Variants in PAK1 observed in about 807,000 individuals in gnomAD.
The protein encoded by PAK1 is p21 (RAC1) activated kinase 1.
Under a neutral mutation model 67.4 loss-of-function variants are expected in PAK1, and 29 were observed. The observed-to-expected ratio is 0.43, with a 90% CI of 0.32 to 0.59. The LOEUF is 0.59. Ranked by LOEUF, PAK1 falls within the 20% of genes least tolerant of loss-of-function variation. PAK1 has a pLI of 0.07. For synonymous variants in PAK1, 223 were observed against 237.4 expected (o/e 0.94, Z 0.56); for missense variants, 337 against 670.7 (o/e 0.50, Z 5.50).
the PAK1 span, among the ~76,000 whole-genome samples, chr11:77,512,544 GTAGAGCAT>G: frequency 6.6e-6 from 1 of 152,184 alleles, no homozygotes; most frequent in Non-Finnish European, 1.5e-5. Flanking sequence ...AGTGGTACCA[GTAGAGCAT>G]GGTGAAGGGA....
upstream of PAK1, chr11:77,474,781 C>T (rs1958031212): frequency 6.6e-6 from 1 of 152,080 alleles, no homozygotes; most frequent in Admixed American, 6.6e-5. Context: ...CGTTTTTTCC[C>T]CTACCGTGGA....
At chr11:77,359,206 T>A (rs757225468) in intron 5 of PAK1, among the ~76,000 whole-genome samples, 189 bp from the exon 6 acceptor site, 12 of 152,138 alleles carry the variant, frequency 7.9e-5, no homozygotes, top group Non-Finnish European at 1.8e-4. Flanking sequence ...CTTTTAGCCA[T>A]CACTATCCAC....
intron 5 of PAK1, among the ~76,000 whole-genome samples, chr11:77,362,275 G>A (rs1161883816): frequency 2.0e-5 from 3 of 152,122 alleles, no homozygotes; most frequent in East Asian, 1.9e-4. Context: ...TTGTAAGTTC[G>A]TTCTTCTTGC....
chr11:77,453,574 C>G (rs1956955949), intron 1 of PAK1, among the ~76,000 whole-genome samples: 1 of 147,758 alleles, frequency 6.8e-6, no homozygotes, highest in African/African-American at 2.5e-5. Flanking sequence ...AATTACCTCA[C>G]AGGAGAAAAT....
At chr11:77,351,745 A>T (rs562443361) in intron 8 of PAK1, among the ~76,000 whole-genome samples, 1 of 151,528 alleles carries the variant, frequency 6.6e-6, no homozygotes, top group South Asian at 2.1e-4. Context: ...TGGGTGTATA[A>T]TTTAAAAAAA....
chr11:77,380,068 TGA>T, intron 2 of PAK1, 74 bp from the exon 3 acceptor site: 1 of 1,089,038 alleles, frequency 9.2e-7, no homozygotes, highest in South Asian at 1.4e-5. Context: ...AGCTCTTTAT[TGA>T]GCTGTAGTCT....
At chr11:77,459,975 C>A (rs991317205) in intron 1 of PAK1, among the ~76,000 whole-genome samples, 1 of 151,872 alleles carries the variant, frequency 6.6e-6, no homozygotes, top group Non-Finnish European at 1.5e-5. Context: ...GGATTACAGG[C>A]GTGAGCCACC....
At chr11:77,401,960 C>A (rs947972785) in intron 1 of PAK1, among the ~76,000 whole-genome samples, 1 of 152,142 alleles carries the variant, frequency 6.6e-6, no homozygotes, top group African/African-American at 2.4e-5. Flanking sequence ...TGGTAATTAG[C>A]CAAGGTTCAC....
chr11:77,491,566 T>C, the PAK1 span, among the ~76,000 whole-genome samples: 1 of 150,590 alleles, frequency 6.6e-6, no homozygotes, highest in Admixed American at 6.6e-5. Context: ...AAGTGTAGAG[T>C]TTTTATTAGT....
chr11:77,379,604 A>G (rs1476063512), intron 3 of PAK1, among the ~76,000 whole-genome samples: 1 of 152,168 alleles, frequency 6.6e-6, no homozygotes, highest in African/African-American at 2.4e-5. Flanking sequence ...ACCAGGCTAT[A>G]CCTCCAGGAT....
chr11:77,483,902 T>C, the PAK1 span, among the ~76,000 whole-genome samples: 2 of 152,176 alleles, frequency 1.3e-5, no homozygotes, highest in South Asian at 2.1e-4. Flanking sequence ...AGTTTGACAA[T>C]ACCTATAGAA....
Position 77,439,659 on chromosome 11 carries a change from C to T in PAK1, c.-22+33893G>A, listed in dbSNP as rs150786921. 2.0e-5 allele frequency among the ~76,000 whole-genome samples: 3 copies of T among 152,328 alleles called. No homozygotes were observed. In the East Asian group the frequency reaches 5.8e-4, roughly 29 times the overall value. On this transcript the variant is annotated intron_variant, in intron 1 of 14. Transcript: ENST00000356341. ...CTGGTCCTATCCTTTCTCCTGCCCTCCTTCTATGTCTCTACCTCAGTACAA... is the reference window on the plus strand; with the variant it reads ...CTGGTCCTATCCTTTCTCCTGCCCTTCTTCTATGTCTCTACCTCAGTACAA...
intron 6 of PAK1, among the ~76,000 whole-genome samples, chr11:77,356,911 T>C (rs1284362117): frequency 6.6e-6 from 1 of 152,182 alleles, no homozygotes; most frequent in Non-Finnish European, 1.5e-5. Flanking sequence ...CCCCAGGAGA[T>C]GCTTCAAGGT....
At chr11:77,483,960 A>G in the PAK1 span, among the ~76,000 whole-genome samples, 1 of 152,176 alleles carries the variant, frequency 6.6e-6, no homozygotes, top group Non-Finnish European at 1.5e-5. Context: ...GGCTGAATGG[A>G]CCAGGGATGA....
At chr11:77,413,587 G>A (rs1954773019) in intron 1 of PAK1, among the ~76,000 whole-genome samples, 1 of 152,138 alleles carries the variant, frequency 6.6e-6, no homozygotes, top group Admixed American at 6.5e-5. Flanking sequence ...GGAGGCTGAG[G>A]CAGGAGAATC....
At chr11:77,419,427 G>C (rs1955140544) in intron 1 of PAK1, among the ~76,000 whole-genome samples, 1 of 152,150 alleles carries the variant, frequency 6.6e-6, no homozygotes, top group African/African-American at 2.4e-5. Context: ...TGTCTCTGTA[G>C]TCATCTTAAG....
chr11:77,404,760 TG>T (rs1953229361), intron 1 of PAK1, among the ~76,000 whole-genome samples: 1 of 152,206 alleles, frequency 6.6e-6, no homozygotes, highest in African/African-American at 2.4e-5. Flanking sequence ...CGTTCTCACC[TG>T]GAATAATCTG....
chr11:77,522,563 A>G, the PAK1 span, among the ~76,000 whole-genome samples: 1 of 152,246 alleles, frequency 6.6e-6, no homozygotes, highest in South Asian at 2.1e-4. Flanking sequence ...CCAAAAAGTC[A>G]AAAAATAAAA....
At chr11:77,446,738 T>C (rs1254007069) in intron 1 of PAK1, among the ~76,000 whole-genome samples, 1 of 151,940 alleles carries the variant, frequency 6.6e-6, no homozygotes, top group African/African-American at 2.4e-5. Flanking sequence ...TGAAAACACA[T>C]TTACTTATGT....
Sources: allele counts gnomAD v4.1 joint callset (sites outside exome capture counted in the v4.1 genomes callset), GRCh38; gene constraint gnomAD v4.1.1; transcripts MANE v1.5; gene names NCBI Gene and HGNC (gene_info 2026-07-23, HGNC 2026-07-21).